Variants in ENAH observed in about 807,000 individuals in gnomAD.
ENAH encodes ENAH actin regulator.
Under a neutral mutation model 78.7 loss-of-function variants are expected in ENAH, and 23 were observed. The observed-to-expected ratio is 0.29, with a 90% CI of 0.21 to 0.41. The LOEUF (loss-of-function observed/expected upper bound fraction) is 0.41. ENAH is among the 10% of genes least tolerant of loss of function. The probability of loss-of-function intolerance (pLI) is 1.00; values close to 1 mark genes in which losing one functional copy is unlikely to be tolerated. For synonymous variants in ENAH, 226 were observed against 241.0 expected (o/e 0.94, Z 0.58); for missense variants, 544 against 691.0 (o/e 0.79, Z 2.39).
chr1:225,609,657 T>TA (rs2096977258), intron 1 of ENAH, among the ~76,000 whole-genome samples: 3 of 41,478 alleles, frequency 7.2e-5, no homozygotes, highest in Middle Eastern at 8.5e-3. Flanking sequence ...GAAAAATGGA[T>TA]TTTTTTTTTT....
chr1:225,488,628 T>C lies in ENAH; in HGVS notation c.*9147A>G, dbSNP rs954534. The stretch of plus-strand genomic sequence containing the variant: ...ATAGAATTCTTTCTAGCTCATTCAG[T>C]TTTGTTAGAAACACTTCATGTTCTC... On this transcript the variant is annotated 3_prime_UTR_variant, in exon 14 of 14. Coordinates refer to ENST00000366843, the MANE Select transcript of ENAH (RefSeq NM_018212.6). 0.094 allele frequency: 14,272 copies of C among 152,242 alleles called. 826 individuals are homozygous for C. The highest frequency in any genetic ancestry group is 0.25 in the South Asian group (1,193 of 4,822). The allele number at this position is 152,242 out of a possible 1,614,324, so 9.4% of individuals were successfully genotyped here. A position where few individuals can be genotyped will look rare whatever the true frequency, so the allele number is the denominator to read the frequency against.
intron 1 of ENAH, among the ~76,000 whole-genome samples, chr1:225,615,409 G>A (rs531964388): frequency 4.6e-5 from 7 of 152,272 alleles, no homozygotes; most frequent in South Asian, 2.1e-4. Context: ...CCACCTCCCA[G>A]CCGCCTGCCT....
At chr1:225,589,553 T>A (rs902957538) in intron 1 of ENAH, among the ~76,000 whole-genome samples, 3 of 152,202 alleles carry the variant, frequency 2.0e-5, no homozygotes, top group Non-Finnish European at 2.9e-5. Context: ...CCTATACACA[T>A]CCTCTGGTAT....
chr1:225,637,017 T>C (rs1660183561), intron 1 of ENAH, among the ~76,000 whole-genome samples: 1 of 152,076 alleles, frequency 6.6e-6, no homozygotes, highest in South Asian at 2.1e-4. Flanking sequence ...ATAAAAGTAA[T>C]GAAACCGCAA....
In ENAH at chr1:225,493,369, G is replaced by A. The variant is rs1575270739; in HGVS notation, c.*4406C>T. The A allele has an allele frequency of 6.6e-6, 1 of 152,158 alleles. No homozygotes were observed. 9.4% of individuals were successfully genotyped at this position (152,158 alleles called of 1,614,324 possible). On this transcript the variant is annotated 3_prime_UTR_variant, in exon 14 of 14. Coordinates refer to ENST00000366843, the MANE Select transcript of ENAH (RefSeq NM_018212.6). ...TCTTTAAGTAATTGTCCTCTACTAT[G>A]TCTTTACATAGCCAAAGCTACCTAC...
At chr1:225,570,193 T>C (rs116608757) in intron 1 of ENAH, among the ~76,000 whole-genome samples, 8 of 150,674 alleles carry the variant, frequency 5.3e-5, no homozygotes, top group Non-Finnish European at 7.4e-5. Flanking sequence ...AAAAATACAT[T>C]AGGCACTCAG....
chr1:225,519,358 T>A lies in ENAH; in HGVS notation c.642A>T (p.Glu214Asp), dbSNP rs758845229. ...CCAGGCGTTCCTGCCGCTCCAGGCGTTCCTGCCGCTCCAGGCGTTCCTGCC... is the reference window on the plus strand; with the variant it reads ...CCAGGCGTTCCTGCCGCTCCAGGCGATCCTGCCGCTCCAGGCGTTCCTGCC... The part of the protein sequence containing the change: ...LERQERLERQ[E>D]RLERQERLDR... Residue 214 changes from glutamate to aspartate, a missense_variant, in exon 5 of 14, where the codon GAA becomes GAT. Transcript: ENST00000366843. 1 of 1,609,732 alleles carries A rather than the reference T, an allele frequency of 6.2e-7. No individual in the cohort carries two copies. The highest frequency in any genetic ancestry group is 1.3e-5 in the African/African-American group (1 of 74,660).
intron 3 of ENAH, among the ~76,000 whole-genome samples, chr1:225,554,375 T>C (rs2096656047): frequency 6.6e-6 from 1 of 152,146 alleles, no homozygotes; most frequent in Admixed American, 6.5e-5. Context: ...CAATATGCAC[T>C]ATCAGAGGAG....
intron 1 of ENAH, among the ~76,000 whole-genome samples, chr1:225,593,948 TGAA>T (rs1319793620): frequency 1.3e-5 from 2 of 152,216 alleles, no homozygotes; most frequent in Non-Finnish European, 2.9e-5. Context: ...TGGAACCTAC[TGAA>T]GAAGTAACCA....
Position 225,495,783 on chromosome 1 carries a change from T to A in ENAH, c.*1992A>T, listed in dbSNP as rs1462598725. On this transcript the variant is annotated 3_prime_UTR_variant, in exon 14 of 14. Coordinates refer to ENST00000366843, the MANE Select transcript of ENAH (RefSeq NM_018212.6). The stretch of plus-strand genomic sequence containing the variant: ...AGAAAATAATACTTAATAAGCTTGC[T>A]GCATCTTTGATGTTTTTACTACTAC... 1 of 152,600 alleles carries A rather than the reference T, an allele frequency of 6.6e-6. No individual in the cohort carries two copies. Among genetic ancestry groups the A allele is most frequent in the Admixed American group, 6.5e-5 (1 of 15,290 alleles). 9.5% of individuals were successfully genotyped at this position (152,600 alleles called of 1,614,324 possible). A position where few individuals can be genotyped will look rare whatever the true frequency, so the allele number is the denominator to read the frequency against.
intron 6 of ENAH, among the ~76,000 whole-genome samples, chr1:225,515,824 T>C (rs146574936): frequency 6.7e-4 from 102 of 152,292 alleles, no homozygotes; most frequent in Admixed American, 1.2e-3. Flanking sequence ...GTCCCTTCTG[T>C]AGGGGTTGTT....
At chr1:225,593,283 T>C (rs1248614203) in intron 1 of ENAH, among the ~76,000 whole-genome samples, 1 of 151,404 alleles carries the variant, frequency 6.6e-6, no homozygotes, top group East Asian at 1.9e-4. Flanking sequence ...CCTATCTTAA[T>C]ATAATGTTCT....
chr1:225,620,747 G>GTAA (rs1656681407), intron 1 of ENAH, among the ~76,000 whole-genome samples: 1 of 152,030 alleles, frequency 6.6e-6, no homozygotes, highest in African/African-American at 2.4e-5. Flanking sequence ...GCTCACACCT[G>GTAA]TAATCCCAGC....
chr1:225,596,807 G>C (rs532935748), intron 1 of ENAH, among the ~76,000 whole-genome samples: 26 of 152,314 alleles, frequency 1.7e-4, no homozygotes, highest in African/African-American at 5.5e-4. Flanking sequence ...GCAGTGAAGG[G>C]TTAAAAACTA....
At chr1:225,575,788 A>G (rs1377510767) in intron 1 of ENAH, among the ~76,000 whole-genome samples, 1 of 152,254 alleles carries the variant, frequency 6.6e-6, no homozygotes, top group Non-Finnish European at 1.5e-5. Flanking sequence ...AAACCCAGGA[A>G]GGACTGGCAC....
chr1:225,546,646 G>C (rs2096615252), intron 3 of ENAH, among the ~76,000 whole-genome samples: 1 of 152,290 alleles, frequency 6.6e-6, no homozygotes, highest in African/African-American at 2.4e-5. Flanking sequence ...GCTGAAAATT[G>C]AGGCTTTGAG....
Position 225,519,570 on chromosome 1 carries a change from A to G in ENAH, c.435-5T>C, listed in dbSNP as rs200848385. Reference sequence around the variant, plus strand: ...CGTTGCTGTTCTTGTAGTTGTCTGGAAAAAAAAAAAAAAAAGTAAAAACAT... The same window carrying G: ...CGTTGCTGTTCTTGTAGTTGTCTGGGAAAAAAAAAAAAAAAGTAAAAACAT... On this transcript the variant is annotated splice_region_variant and splice_polypyrimidine_tract_variant and intron_variant, in intron 4 of 13. Coordinates refer to ENST00000366843, the MANE Select transcript of ENAH (RefSeq NM_018212.6). 7.8e-3 allele frequency: 2,002 copies of G among 257,524 alleles called. No individual in the cohort carries two copies. Among genetic ancestry groups the G allele is most frequent in the Non-Finnish European group, 0.013 (1,829 of 144,876 alleles). 16.0% of individuals were successfully genotyped at this position (257,524 alleles called of 1,614,324 possible).
chr1:225,516,242 A>G (rs569836438), intron 6 of ENAH, among the ~76,000 whole-genome samples: 1 of 152,266 alleles, frequency 6.6e-6, no homozygotes, highest in African/African-American at 2.4e-5. Flanking sequence ...TACCCCTTCA[A>G]GCCACTACTT....
chr1:225,600,456 T>G (rs1472727263), intron 1 of ENAH, among the ~76,000 whole-genome samples: 1 of 152,222 alleles, frequency 6.6e-6, no homozygotes, highest in Non-Finnish European at 1.5e-5. Context: ...GTTAGGTTGG[T>G]GCAGAAGTAA....
Sources: allele counts gnomAD v4.1 joint callset (sites outside exome capture counted in the v4.1 genomes callset), GRCh38; gene constraint gnomAD v4.1.1; transcripts MANE v1.5; gene names NCBI Gene and HGNC (gene_info 2026-07-23, HGNC 2026-07-21).